Variants in HEATR5B observed in about 807,000 individuals in gnomAD.
HEATR5B encodes HEAT repeat-containing protein 5B.
HEATR5B carries 156 observed loss-of-function variants against 224.1 expected under a neutral mutation model. The observed-to-expected ratio is 0.70, with a 90% CI of 0.61 to 0.80. The LOEUF (loss-of-function observed/expected upper bound fraction) is 0.80, where lower values mean the gene tolerates loss of function less well. Among genes scored for constraint, HEATR5B ranks in the 30% least tolerant of loss-of-function variants. The pLI is 0.00. For synonymous variants in HEATR5B, 1,027 were observed against 893.0 expected (o/e 1.15, Z -2.68); for missense variants, 2,323 against 2,535.5 (o/e 0.92, Z 1.80).
intron 14 of HEATR5B, 112 bp from the exon 15 acceptor site, chr2:37,057,592 T>C (rs1670992430): frequency 3.2e-6 from 2 of 632,574 alleles, no homozygotes; most frequent in South Asian, 5.5e-5. Flanking sequence ...ATTAAGTCTC[T>C]GTTCTCTTCT....
Position 37,064,804 on chromosome 2 carries a change from G to A in HEATR5B, c.1520C>T (p.Ala507Val), listed in dbSNP as rs1671489928. 6.2e-7 allele frequency: 1 copy of A among 1,613,908 alleles called. No individual in the cohort carries two copies. The highest frequency in any genetic ancestry group is 1.1e-5 in the South Asian group (1 of 91,074). ...SPEAVSGYSF[A>V]MAALLGGVHQ... The stretch of plus-strand genomic sequence containing the variant: ...TACTCCACCTAACAAAGCAGCCATT[G>A]CAAAACTATATCCACTGACAGCTTC... Residue 507 changes from alanine (A) to valine (V), a missense_variant, in exon 10 of 36, where the codon GCA becomes GTA. Physicochemically the swap from Ala to Val is moderately conservative, Grantham distance 64. This residue lies in a region of HEATR5B where 502 missense variants were observed against 517.8 expected (regional missense o/e 0.97). Coordinates refer to ENST00000233099, the MANE Select transcript of HEATR5B (RefSeq NM_019024.3).
chr2:37,080,729 T>TA (rs1672505245), intron 2 of HEATR5B, among the ~76,000 whole-genome samples: 1 of 150,998 alleles, frequency 6.6e-6, no homozygotes, highest in South Asian at 2.1e-4. Context: ...TAGATGATAG[T>TA]AAAAATCATA....
In HEATR5B at chr2:37,007,275, C is replaced by G; in HGVS notation, c.4552G>C (p.Asp1518His). ...TTCCGATAGTGAAGTCTAGCTGTAT[C>G]AATAGTTTCAGGGGTATAAAATGCT... ...GGAFYTPETIDTARLHYRNSW... is the reference protein window; with the variant it reads ...GGAFYTPETIHTARLHYRNSW... Residue 1518 changes from aspartate to histidine, a missense_variant, in exon 29 of 36, where the codon GAT (aspartate) becomes CAT (histidine). Around this residue, in one of 12 missense-constraint regions of HEATR5B, gnomAD observed 844 missense variants for 812.9 expected, o/e 1.04. Coordinates refer to ENST00000233099, the MANE Select transcript of HEATR5B (RefSeq NM_019024.3). 6.3e-7 allele frequency: 1 copy of G among 1,589,350 alleles called. No homozygotes were observed. Among genetic ancestry groups the G allele is most frequent in the East Asian group, 2.3e-5 (1 of 43,886 alleles).
chr2:36,990,092 T>A (rs547828243), intron 34 of HEATR5B, among the ~76,000 whole-genome samples: 1 of 151,504 alleles, frequency 6.6e-6, no homozygotes, highest in Admixed American at 6.6e-5. Context: ...TTAGTAGAGA[T>A]GGGGTTTCAC....
intron 30 of HEATR5B, 149 bp from the exon 31 acceptor site, chr2:37,003,835 T>C: frequency 2.0e-6 from 1 of 499,744 alleles, no homozygotes; most frequent in Non-Finnish European, 3.4e-6. Context: ...AAGAACATTG[T>C]AAAAATCTTG....
chr2:37,080,292 G>C (rs1197968385), intron 2 of HEATR5B, among the ~76,000 whole-genome samples: 3 of 152,206 alleles, frequency 2.0e-5, no homozygotes, highest in Non-Finnish European at 4.4e-5. Context: ...AGAGTTTGAA[G>C]CAGAGGAGGG....
intron 33 of HEATR5B, among the ~76,000 whole-genome samples, chr2:36,996,563 C>T (rs1311629635): frequency 4.0e-5 from 6 of 151,738 alleles, no homozygotes; most frequent in Non-Finnish European, 7.4e-5. Context: ...ATTACAGGCA[C>T]CTGCCACCAT....
At chr2:37,020,908 T>C in intron 24 of HEATR5B, 72 bp from the exon 25 acceptor site, 1 of 856,746 alleles carries the variant, frequency 1.2e-6, no homozygotes, top group East Asian at 2.9e-5. Context: ...AAATATGAAA[T>C]GAAATAAATT....
At chr2:37,032,081 T>C (rs1003210572) in intron 22 of HEATR5B, among the ~76,000 whole-genome samples, 1 of 152,198 alleles carries the variant, frequency 6.6e-6, no homozygotes, top group African/African-American at 2.4e-5. Context: ...CTTACCTTCT[T>C]AGAGGAAAAA....
At chr2:36,995,574 C>T (rs1197526360) in intron 33 of HEATR5B, among the ~76,000 whole-genome samples, 2 of 152,076 alleles carry the variant, frequency 1.3e-5, no homozygotes, top group African/African-American at 4.8e-5. Flanking sequence ...TAAATGTATT[C>T]ATTGTTTAAA....
intron 19 of HEATR5B, 134 bp from the exon 20 acceptor site, chr2:37,040,652 T>C (rs1039762810): frequency 4.9e-6 from 3 of 609,438 alleles, no homozygotes; most frequent in Admixed American, 7.2e-5. Context: ...ATCCAGATTG[T>C]AGGATGTTTT....
chr2:37,082,299 G>T (rs1672631933), intron 2 of HEATR5B, among the ~76,000 whole-genome samples: 1 of 151,628 alleles, frequency 6.6e-6, no homozygotes, highest in Admixed American at 6.6e-5. Flanking sequence ...AGGCTAGTCT[G>T]GAACTCCTGA....
intron 24 of HEATR5B, among the ~76,000 whole-genome samples, chr2:37,022,424 A>C (rs879553563): frequency 4.6e-5 from 7 of 152,038 alleles, no homozygotes; most frequent in Non-Finnish European, 8.8e-5. Context: ...TGATTCGCCC[A>C]CCTCGGCCTC....
intron 21 of HEATR5B, 82 bp from the exon 22 acceptor site, chr2:37,032,855 T>G: frequency 6.0e-6 from 6 of 1,007,182 alleles, no homozygotes; most frequent in Non-Finnish European, 8.5e-6. Flanking sequence ...AATATATATA[T>G]ACATACATAC....
At chr2:37,021,153 G>C (rs975580436) in intron 24 of HEATR5B, among the ~76,000 whole-genome samples, 19 of 151,626 alleles carry the variant, frequency 1.3e-4, no homozygotes, top group African/African-American at 4.1e-4. Flanking sequence ...TTTTGGTAAA[G>C]AACCAGATAG....
At chr2:37,022,359 A>C (rs534568526) in intron 24 of HEATR5B, among the ~76,000 whole-genome samples, 126 of 152,018 alleles carry the variant, frequency 8.3e-4, no homozygotes, top group Admixed American at 4.1e-3. Flanking sequence ...TTGTATTTTT[A>C]ATAGAGATGG....
intron 20 of HEATR5B, 146 bp from the exon 21 acceptor site, chr2:37,038,170 C>A: frequency 1.9e-6 from 1 of 520,110 alleles, no homozygotes; most frequent in Non-Finnish European, 3.1e-6. Context: ...GATGGAGTCT[C>A]ACTCTGTCGC....
At chr2:37,007,337 C>CAAAAAAGCATTTATAAAGCAA in intron 28 of HEATR5B, 33 bp from the exon 29 acceptor site, 1 of 1,173,924 alleles carries the variant, frequency 8.5e-7, no homozygotes. Flanking sequence ...AAAAACATTA[C>CAAAAAAGCATTTATAAAGCAA]TTTTTTTTTT....
intron 6 of HEATR5B, among the ~76,000 whole-genome samples, 192 bp downstream of exon 6, chr2:37,071,918 C>T (rs1413246038): frequency 1.3e-5 from 2 of 152,046 alleles, no homozygotes; most frequent in Non-Finnish European, 2.9e-5. Flanking sequence ...CTCCTGACCT[C>T]GTGATCCACC....
Sources: allele counts gnomAD v4.1 joint callset (sites outside exome capture counted in the v4.1 genomes callset), GRCh38; gene constraint gnomAD v4.1.1; regional missense constraint gnomAD v4.1.1; transcripts MANE v1.5; gene names NCBI Gene and HGNC (gene_info 2026-07-23, HGNC 2026-07-21).